IL2RA: variants seen among roughly 807,000 people sequenced by gnomAD.
IL2RA encodes interleukin-2 receptor subunit alpha.
A neutral mutation model predicts 37.8 loss-of-function variants in IL2RA; 24 were observed. The observed-to-expected ratio is 0.63, with a 90% CI of 0.46 to 0.89. The LOEUF (loss-of-function observed/expected upper bound fraction) is 0.89. Among genes scored for constraint, IL2RA ranks in the 40% least tolerant of loss-of-function variants. The pLI, the probability that IL2RA is intolerant of heterozygous loss-of-function variation, is 0.00. For synonymous variants in IL2RA, 125 were observed against 114.6 expected (o/e 1.09, Z -0.58); for missense variants, 319 against 348.6 (o/e 0.92, Z 0.68).
At position 6,021,541 on chromosome 10, in the gene IL2RA, T is replaced by A. The variant is rs1355086314; in HGVS notation, c.520A>T (p.Lys174Ter). The change falls in exon 4 of 8, where the codon AAG (lysine) becomes TAG (stop). Residue 174 changes from lysine to a stop codon, truncating the protein, a stop_gained. Coordinates refer to ENST00000379959, the MANE Select transcript of IL2RA (RefSeq NM_000417.3). LOFTEE classifies it high-confidence loss of function. The surrounding 1 kb of genome is among the most constrained non-coding windows in gnomAD (Gnocchi z 4.9). ...AGCTGGGGCTGGGTCCACCTTGTCT[T>A]CCCGTGGGTCATTTTGCAGACGCTC... is the stretch of plus-strand genomic sequence containing the variant. ...AESVCKMTHG[K>*]TRWTQPQLIC... 1.9e-6 allele frequency: 3 copies of A among 1,614,006 alleles called. No homozygotes were observed. Among genetic ancestry groups the A allele is most frequent in the African/African-American group, 1.3e-5 (1 of 74,900 alleles).
In IL2RA at chr10:6,018,701, G is replaced by A. The variant is rs1365652079; in HGVS notation, c.728-582C>T. Among the ~76,000 whole-genome samples, 2 of 152,164 alleles carry A rather than the reference G, an allele frequency of 1.3e-5. No homozygotes were observed. Among genetic ancestry groups the A allele is most frequent in the South Asian group, 2.1e-4 (1 of 4,828 alleles). On this transcript the variant is annotated intron_variant, in intron 6 of 7. Coordinates refer to ENST00000379959, the MANE Select transcript of IL2RA (RefSeq NM_000417.3). The surrounding 1 kb of genome is among the most constrained non-coding windows in gnomAD (Gnocchi z 5.1). The stretch of plus-strand genomic sequence containing the variant: ...GCCCTTCCAGATCAGCTTGAGAGGA[G>A]CTGATAGGGCTGACTTGAGACTTTG...
chr10:6,035,873 C>A lies in IL2RA; in HGVS notation c.65-9848G>T, dbSNP rs1328534679. ...TTGTTCCTCGTCCTTTTCCACCTCA[C>A]CTCCATCATTGTGGCTGAAATACAC... is the stretch of plus-strand genomic sequence containing the variant. On this transcript the variant is annotated intron_variant, in intron 1 of 7. Transcript: ENST00000379959. The surrounding 1 kb of genome is among the most constrained non-coding windows in gnomAD (Gnocchi z 5.4). 6.6e-6 allele frequency: 1 copy of A among 152,304 alleles called. No homozygotes were observed. Among genetic ancestry groups the A allele is most frequent in the African/African-American group, 2.4e-5 (1 of 41,470 alleles). 9.4% of individuals were successfully genotyped at this position (152,304 alleles called of 1,614,324 possible). A position where few individuals can be genotyped will look rare whatever the true frequency, so the allele number is the denominator to read the frequency against.
chr10:6,037,731 C>T (rs887703550), intron 1 of IL2RA, among the ~76,000 whole-genome samples: 1 of 152,158 alleles, frequency 6.6e-6, no homozygotes, highest in African/African-American at 2.4e-5. Flanking sequence ...GGCCCCTTCT[C>T]ATTTCAAATG....
chr10:6,041,217 A>T (rs1195938263), intron 1 of IL2RA, among the ~76,000 whole-genome samples: 1 of 148,580 alleles, frequency 6.7e-6, no homozygotes, highest in Non-Finnish European at 1.5e-5. Context: ...TCTCGGGTTC[A>T]GGCCATTCTG....
In IL2RA at chr10:6,045,403, T is replaced by C. The variant is rs12722644; in HGVS notation, c.64+16685A>G. Among the ~76,000 whole-genome samples, 647 of 152,220 alleles carry C rather than the reference T, an allele frequency of 4.3e-3. 3 individuals are homozygous for C. Among genetic ancestry groups the C allele is most frequent in the African/African-American group, 0.015 (608 of 41,530 alleles). ...AGAAGCAGGAAACCAAAAATACCCCTACAAGCAGCTGCCGCTAAACCATCA... is the reference window on the plus strand; with the variant it reads ...AGAAGCAGGAAACCAAAAATACCCCCACAAGCAGCTGCCGCTAAACCATCA... On this transcript the variant is annotated intron_variant, in intron 1 of 7. Coordinates refer to ENST00000379959, the MANE Select transcript of IL2RA (RefSeq NM_000417.3).
intron 1 of IL2RA, among the ~76,000 whole-genome samples, chr10:6,031,474 A>ATG (rs1564545920): frequency 2.6e-3 from 72 of 28,222 alleles, no homozygotes; most frequent in Admixed American, 5.9e-3. Flanking sequence ...ATATATATAT[A>ATG]TATATATATA....
chr10:6,048,947 C>T lies in IL2RA; in HGVS notation c.64+13141G>A, dbSNP rs1021057110. 3.3e-5 allele frequency among the ~76,000 whole-genome samples: 5 copies of T among 152,220 alleles called. No individual in the cohort carries two copies. The highest frequency in any genetic ancestry group is 9.6e-5 in the African/African-American group (4 of 41,452). ...GCGGGACTCTGCGTGGCTCTTGGAG[C>T]TCACCATGTGTTTTGTCTTGGGCCT... On this transcript the variant is annotated intron_variant, in intron 1 of 7. Coordinates refer to ENST00000379959, the MANE Select transcript of IL2RA (RefSeq NM_000417.3). The surrounding 1 kb of genome is among the most constrained non-coding windows in gnomAD (Gnocchi z 5.3).
At chr10:6,027,982 C>T (rs1295126974) in intron 1 of IL2RA, among the ~76,000 whole-genome samples, 2 of 152,182 alleles carry the variant, frequency 1.3e-5, no homozygotes, top group African/African-American at 2.4e-5. Context: ...CCAAAACTTA[C>T]GTTTCTGCTG....
Position 6,012,956 on chromosome 10 carries a change from C to T in IL2RA, c.795-60G>A. ...TAACACGGCACCAAAAAAATGTGGT[C>T]CTCACTCTAAACCAGTGCACACGCC... On this transcript the variant is annotated intron_variant, in intron 7 of 7. Coordinates refer to ENST00000379959, the MANE Select transcript of IL2RA (RefSeq NM_000417.3). This position sits in a 1 kb window ranked among gnomAD's most constrained non-coding sequence, Gnocchi z 4.8. 6.5e-7 allele frequency: 1 copy of T among 1,549,770 alleles called. No homozygotes were observed. Among genetic ancestry groups the T allele is most frequent in the African/African-American group, 1.4e-5 (1 of 73,660 alleles).
At chr10:6,027,513 A>T (rs1341637734) in intron 1 of IL2RA, among the ~76,000 whole-genome samples, 2 of 152,242 alleles carry the variant, frequency 1.3e-5, no homozygotes, top group East Asian at 3.8e-4. Flanking sequence ...GGGAAGGAGA[A>T]AGATGGGTTT....
rs757335662 is a variant in IL2RA at position 6,015,156 on chromosome 10, G to A, written c.795-2260C>T. On this transcript the variant is annotated intron_variant, in intron 7 of 7. Transcript: ENST00000379959. This position sits in a 1 kb window ranked among gnomAD's most constrained non-coding sequence, Gnocchi z 4.9. ...CACCCAGGGTGGAGTGCAGTGGTACGATCTCAGCTCACTGCAGCCTCTGCC... is the reference window on the plus strand; with the variant it reads ...CACCCAGGGTGGAGTGCAGTGGTACAATCTCAGCTCACTGCAGCCTCTGCC... Among the ~76,000 whole-genome samples the A allele has an allele frequency of 2.0e-5, 3 of 150,828 alleles. No individual in the cohort carries two copies. The highest frequency in any genetic ancestry group is 1.9e-4 in the East Asian group (1 of 5,144).
chr10:6,017,876 C>T (rs767203111), intron 7 of IL2RA, among the ~76,000 whole-genome samples, 177 bp downstream of exon 7: 26 of 152,082 alleles, frequency 1.7e-4, no homozygotes, highest in Non-Finnish European at 3.2e-4. Flanking sequence ...CTGCACCCGG[C>T]GGTGCTTTAA....
intron 1 of IL2RA, among the ~76,000 whole-genome samples, chr10:6,060,300 C>T (rs1423081719): frequency 1.3e-5 from 2 of 152,132 alleles, no homozygotes; most frequent in East Asian, 3.8e-4. Context: ...AGACTACGCA[C>T]TGGGTACAGC....
intron 4 of IL2RA, 45 bp from the exon 5 acceptor site, chr10:6,019,986 T>G (rs1839357647): frequency 6.5e-7 from 1 of 1,538,432 alleles, no homozygotes; most frequent in Non-Finnish European, 9.0e-7. Context: ...AACACAGGAG[T>G]CAGGGCCTCA....
chr10:6,018,474 A>G lies in IL2RA; in HGVS notation c.728-355T>C, dbSNP rs2132848799. Among the ~76,000 whole-genome samples, 1 of 152,248 alleles carries G rather than the reference A, an allele frequency of 6.6e-6. No homozygotes were observed. The highest frequency in any genetic ancestry group is 1.5e-5 in the Non-Finnish European group (1 of 68,016). The stretch of plus-strand genomic sequence containing the variant: ...ATGAGAAGCACATTAACATCTCCTG[A>G]AAGAGGTCGGGTTTTCCAGATGCTG... On this transcript the variant is annotated intron_variant, in intron 6 of 7. Transcript: ENST00000379959. This position sits in a 1 kb window ranked among gnomAD's most constrained non-coding sequence, Gnocchi z 5.1.
In IL2RA at chr10:6,046,578, G is replaced by C. The variant is rs1489102543; in HGVS notation, c.64+15510C>G. On this transcript the variant is annotated intron_variant, in intron 1 of 7. Transcript: ENST00000379959. The surrounding 1 kb of genome is among the most constrained non-coding windows in gnomAD (Gnocchi z 4.8). ...TCAGACACATAAATGCAACCTCAAG[G>C]CTTTTGCTGAGTTTAGTCTTTGTAT... Among the ~76,000 whole-genome samples, 1 of 152,156 alleles carries C rather than the reference G, an allele frequency of 6.6e-6. No homozygotes were observed. Among genetic ancestry groups the C allele is most frequent in the Non-Finnish European group, 1.5e-5 (1 of 68,020 alleles).
chr10:6,055,014 C>T (rs971000534), intron 1 of IL2RA, among the ~76,000 whole-genome samples: 8 of 152,118 alleles, frequency 5.3e-5, no homozygotes, highest in Non-Finnish European at 7.3e-5. Flanking sequence ...TCATTTCAGT[C>T]GCAAGTTCTG....
chr10:6,045,958 C>T (rs1723198419), intron 1 of IL2RA, among the ~76,000 whole-genome samples: 1 of 152,172 alleles, frequency 6.6e-6, no homozygotes. Context: ...TCCTGGGAAC[C>T]TCAGTCCAGT....
In IL2RA at chr10:6,020,730, A is replaced by G. The variant is rs1243060097; in HGVS notation, c.583+748T>C. On this transcript the variant is annotated intron_variant, in intron 4 of 7. Coordinates refer to ENST00000379959, the MANE Select transcript of IL2RA (RefSeq NM_000417.3). This position sits in a 1 kb window ranked among gnomAD's most constrained non-coding sequence, Gnocchi z 5.6. ...GTATTTTTAGTAGAGACGGGGTTTCACCATGTTGGCCAGGCTGGTCTCGAA... is the reference window on the plus strand; with the variant it reads ...GTATTTTTAGTAGAGACGGGGTTTCGCCATGTTGGCCAGGCTGGTCTCGAA... Among the ~76,000 whole-genome samples the G allele has an allele frequency of 6.6e-6, 1 of 152,054 alleles. No individual in the cohort carries two copies. The highest frequency in any genetic ancestry group is 1.5e-5 in the Non-Finnish European group (1 of 68,022).
Sources: gnomAD v4.1 joint callset for allele counts (sites outside exome capture counted in the v4.1 genomes callset) on GRCh38, gnomAD v4.1.1 for gene constraint, Gnocchi (gnomAD v3.1) non-coding constraint, MANE v1.5 for transcripts, NCBI Gene and HGNC (gene_info 2026-07-23, HGNC 2026-07-21) for gene names.